CFAP57: variants seen among roughly 807,000 people sequenced by gnomAD.
The protein encoded by CFAP57 is cilia and flagella associated protein 57.
Under a neutral mutation model 146.8 loss-of-function variants are expected in CFAP57, and 116 were observed. The ratio of observed to expected loss-of-function variants is 0.79; its 90% CI spans 0.68 to 0.92. The LOEUF (loss-of-function observed/expected upper bound fraction) is 0.92, where lower values mean the gene tolerates loss of function less well. CFAP57 is among the 40% of genes least tolerant of loss of function. The probability of loss-of-function intolerance (pLI) is 0.00; values close to 1 mark genes in which losing one functional copy is unlikely to be tolerated. For synonymous variants in CFAP57, 518 were observed against 552.8 expected (o/e 0.94, Z 0.88); for missense variants, 1,377 against 1,527.2 (o/e 0.90, Z 1.64).
In CFAP57 at chr1:43,217,888, C is replaced by T. The variant is rs555931455; in HGVS notation, c.2092-1494C>T. On this transcript the variant is annotated intron_variant, in intron 12 of 22. Transcript: ENST00000372492. ...ATCCAAACTTCCTAGCATGGTCTACCGGGCCCCTGATGGTCTGACGCAGTC... is the reference window on the plus strand; with the variant it reads ...ATCCAAACTTCCTAGCATGGTCTACTGGGCCCCTGATGGTCTGACGCAGTC... Among the ~76,000 whole-genome samples, 15 of 152,278 alleles carry T rather than the reference C, an allele frequency of 9.9e-5. No individual in the cohort carries two copies. The South Asian group carries it at 2.7e-3, about 27-fold the overall frequency.
chr1:43,196,993 G>A (rs890653011), intron 6 of CFAP57, among the ~76,000 whole-genome samples: 1 of 152,138 alleles, frequency 6.6e-6, no homozygotes, highest in African/African-American at 2.4e-5. Context: ...CAGAGGAAGG[G>A]TTAAATTAAA....
chr1:43,190,565 C>T (rs913573128), intron 6 of CFAP57, among the ~76,000 whole-genome samples: 32 of 152,188 alleles, frequency 2.1e-4, no homozygotes, highest in Admixed American at 7.9e-4. Context: ...TCACCGTGCC[C>T]GGCTGCATCC....
intron 2 of CFAP57, among the ~76,000 whole-genome samples, chr1:43,179,267 A>G (rs1336480250): frequency 6.8e-6 from 1 of 146,494 alleles, no homozygotes; most frequent in Non-Finnish European, 1.5e-5. Context: ...CATGTACCCT[A>G]GAACTTAAAG....
chr1:43,212,807 G>A (rs1460606678), intron 11 of CFAP57, among the ~76,000 whole-genome samples: 4 of 151,924 alleles, frequency 2.6e-5, no homozygotes, highest in East Asian at 3.9e-4. Context: ...GGTGGTGCAC[G>A]CCTGTAATCC....
At chr1:43,174,651 A>C (rs912298842) in intron 2 of CFAP57, among the ~76,000 whole-genome samples, 6 of 152,156 alleles carry the variant, frequency 3.9e-5, no homozygotes, top group African/African-American at 1.4e-4. Flanking sequence ...CCCCGTCTCT[A>C]CTAAAAATAC....
At chr1:43,208,104 C>T (rs951870590) in intron 10 of CFAP57, among the ~76,000 whole-genome samples, 2 of 152,176 alleles carry the variant, frequency 1.3e-5, no homozygotes, top group African/African-American at 4.8e-5. Flanking sequence ...AGTGAGGTAC[C>T]ATCTCACACC....
At position 43,185,326 on chromosome 1, in the gene CFAP57, G is replaced by T. The variant is rs267598609; in HGVS notation, c.939G>T (p.Lys313Asn). The T allele has an allele frequency of 1.9e-6, 3 of 1,613,840 alleles. No individual in the cohort carries two copies. Among genetic ancestry groups the T allele is most frequent in the Non-Finnish European group, 2.5e-6 (3 of 1,180,010 alleles). ...TGCTGTTTGAGAAGATGGAAGAAAA[G>T]GATTTTTACCGTGAGAGCAGAGAAA... The part of the protein sequence containing the change: ...RVLLFEKMEE[K>N]DFYRESREIR... The change falls in exon 5 of 23, where the codon AAG becomes AAT. Residue 313 changes from lysine to asparagine, a missense_variant. Transcript: ENST00000372492.
chr1:43,203,732 T>TA (rs1255043965), intron 9 of CFAP57, among the ~76,000 whole-genome samples: 1 of 152,212 alleles, frequency 6.6e-6, no homozygotes, highest in Non-Finnish European at 1.5e-5. Context: ...GTGCTGGGAT[T>TA]ACAGGTGTGA....
At chr1:43,207,573 C>A (rs1644410621) in intron 10 of CFAP57, among the ~76,000 whole-genome samples, 1 of 152,202 alleles carries the variant, frequency 6.6e-6, no homozygotes, top group Non-Finnish European at 1.5e-5. Flanking sequence ...AATAGCCTAA[C>A]CATGTATCCC....
chr1:43,216,135 T>C (rs615350), intron 12 of CFAP57, among the ~76,000 whole-genome samples: 115,728 of 152,144 alleles, frequency 0.76, 45,435 homozygotes, highest in Middle Eastern at 0.9. Context: ...CAGTCATTGC[T>C]GTTTGTCCAG....
At chr1:43,228,418 C>T (rs1203670372) in intron 18 of CFAP57, among the ~76,000 whole-genome samples, 1 of 127,614 alleles carries the variant, frequency 7.8e-6, no homozygotes, top group Non-Finnish European at 1.6e-5. Context: ...TCCATCTTCT[C>T]TAATTGTTTG....
At chr1:43,214,532 T>A (rs1227903368) in intron 11 of CFAP57, among the ~76,000 whole-genome samples, 1 of 152,256 alleles carries the variant, frequency 6.6e-6, no homozygotes, top group Non-Finnish European at 1.5e-5. Context: ...AGGATATTTT[T>A]AATTTTTTCC....
chr1:43,198,451 T>C, intron 7 of CFAP57, 30 bp from the exon 8 acceptor site: 1 of 1,612,294 alleles, frequency 6.2e-7, no homozygotes, highest in Non-Finnish European at 8.5e-7. Context: ...TGAGCTAAGC[T>C]TACAATTCAG....
intron 2 of CFAP57, among the ~76,000 whole-genome samples, chr1:43,176,945 A>T (rs540181541): frequency 1.6e-4 from 24 of 152,110 alleles, no homozygotes; most frequent in Admixed American, 1.2e-3. Context: ...AATAGCTGGG[A>T]GGCCAGTGTG....
chr1:43,183,089 T>A (rs901350529), intron 3 of CFAP57, among the ~76,000 whole-genome samples: 1 of 152,222 alleles, frequency 6.6e-6, no homozygotes, highest in Admixed American at 6.5e-5. Flanking sequence ...TTTGCCCATT[T>A]TCAACTTATG....
In CFAP57 at chr1:43,206,906, A is replaced by T; in HGVS notation, c.1729A>T (p.Thr577Ser). The change falls in exon 10 of 23, where the codon ACC becomes TCC. Residue 577 changes from threonine to serine, a missense_variant. By Grantham distance (58) the Thr-to-Ser change is moderately conservative (BLOSUM62 1). Coordinates refer to ENST00000372492, the MANE Select transcript of CFAP57 (RefSeq NM_001378189.1). Reference protein sequence around the residue: ...KIIFAVGSDHTLKEIADSLIL... With the variant: ...KIIFAVGSDHSLKEIADSLIL... ...TATCTTTGCTGTTGGATCAGACCAC[A>T]CCCTCAAGGAGATTGCAGATTCCTT... 6.2e-7 allele frequency: 1 copy of T among 1,613,192 alleles called. No individual in the cohort carries two copies. Among genetic ancestry groups the T allele is most frequent in the Non-Finnish European group, 8.5e-7 (1 of 1,179,986 alleles).
chr1:43,190,265 C>CTTTTTTTTT (rs71036614), intron 6 of CFAP57, among the ~76,000 whole-genome samples: 3 of 71,418 alleles, frequency 4.2e-5, no homozygotes, highest in African/African-American at 1.6e-4. Context: ...CATCCAGTCT[C>CTTTTTTTTT]TTTTTTTTTT....
rs367719436 is a variant in CFAP57, at chr1:43,201,906, C to T, written c.1542+2403C>T. Among the ~76,000 whole-genome samples the T allele has an allele frequency of 6.6e-6, 1 of 152,194 alleles. No individual in the cohort carries two copies. The highest frequency in any genetic ancestry group is 1.9e-4 in the East Asian group (1 of 5,192). Reference sequence around the variant, plus strand: ...CTGGGATTACAGGCGTGAGCCACCGCGCCTGGCCCACGGACATTATTAATG... The same window carrying T: ...CTGGGATTACAGGCGTGAGCCACCGTGCCTGGCCCACGGACATTATTAATG... On this transcript the variant is annotated intron_variant, in intron 9 of 22. Coordinates refer to ENST00000372492, the MANE Select transcript of CFAP57 (RefSeq NM_001378189.1). This position sits in a 1 kb window ranked among gnomAD's most constrained non-coding sequence, Gnocchi z 4.4.
chr1:43,187,972 T>G (rs1229459014), intron 6 of CFAP57, among the ~76,000 whole-genome samples: 1 of 152,086 alleles, frequency 6.6e-6, no homozygotes, highest in Non-Finnish European at 1.5e-5. Flanking sequence ...CCCAGCTAGC[T>G]TTTGTATTTT....
Sources: allele counts gnomAD v4.1 joint callset (sites outside exome capture counted in the v4.1 genomes callset), GRCh38; gene constraint gnomAD v4.1.1; non-coding constraint Gnocchi (gnomAD v3.1); transcripts MANE v1.5; gene names NCBI Gene and HGNC (gene_info 2026-07-23, HGNC 2026-07-21).